Variants in CCNA1 observed in about 807,000 individuals in gnomAD.
CCNA1 encodes cyclin A1.
In CCNA1, 23 loss-of-function variants were observed where a neutral mutation model predicts 54.1. The observed-to-expected ratio is 0.42, with a 90% confidence interval of 0.31 to 0.60. The LOEUF is 0.60. Among genes scored for constraint, CCNA1 ranks in the 20% least tolerant of loss-of-function variants. The pLI, the probability that CCNA1 is intolerant of heterozygous loss-of-function variation, is 0.14. For missense variants in CCNA1, 450 were observed against 556.7 expected (o/e 0.81, Z 1.93); for synonymous variants, 208 against 213.9 (o/e 0.97, Z 0.24).
chr13:36,437,745 C>T lies in CCNA1; in HGVS notation c.414C>T (p.Tyr138=), dbSNP rs1445896571. 8 of 1,614,044 alleles carry T rather than the reference C, an allele frequency of 5.0e-6. No homozygotes were observed. The highest frequency in any genetic ancestry group is 1.3e-5 in the African/African-American group (1 of 74,926). ...CCCCCAAGCAAGGGTTTGACATCTA[C>T]ATGGATGAACTAGAGCAGGGGGACA... Residue 138 remains tyrosine, a synonymous_variant, in exon 3 of 9, where the codon TAC becomes TAT. Transcript: ENST00000255465.
rs751836659 is a variant in CCNA1 at position 36,438,719 on chromosome 13, G to A, written c.745G>A (p.Asp249Asn). 6.2e-7 allele frequency: 1 copy of A among 1,614,092 alleles called. No individual in the cohort carries two copies. Among genetic ancestry groups the A allele is most frequent in the South Asian group, 1.1e-5 (1 of 91,084 alleles). ...GGAAGGCATGCGCACGATTCTGGTG[G>A]ACTGGCTGGTGGAGGTTGGGGAAGA... Residue 249 changes from aspartate (D) to asparagine (N), a missense_variant, in exon 5 of 9, where the codon GAC (aspartate) becomes AAC (asparagine). Around this residue, in one of 6 missense-constraint regions of CCNA1, gnomAD observed 150 missense variants for 219.7 expected, o/e 0.68. Coordinates refer to ENST00000255465, the MANE Select transcript of CCNA1 (RefSeq NM_003914.4).
At chr13:36,433,503 T>C (rs2055760990) in intron 2 of CCNA1, among the ~76,000 whole-genome samples, 1 of 150,274 alleles carries the variant, frequency 6.7e-6, no homozygotes, top group Admixed American at 6.7e-5. Context: ...TTGTTTCTCT[T>C]CCTTCTTCCT....
At chr13:36,434,173 A>G (rs912741116) in intron 2 of CCNA1, among the ~76,000 whole-genome samples, 1 of 152,238 alleles carries the variant, frequency 6.6e-6, no homozygotes, top group African/African-American at 2.4e-5. Flanking sequence ...GGTGCTTTGA[A>G]GGCAGACATC....
At chr13:36,441,909 TA>T (rs2055879374) in intron 7 of CCNA1, among the ~76,000 whole-genome samples, 2 of 152,156 alleles carry the variant, frequency 1.3e-5, no homozygotes, top group Admixed American at 6.5e-5. Context: ...TAAGGACCAG[TA>T]AAAATTTCAC....
chr13:36,442,391 A>C, intron 8 of CCNA1, 87 bp downstream of exon 8: 1 of 1,428,326 alleles, frequency 7.0e-7, no homozygotes, highest in Non-Finnish European at 9.7e-7. Context: ...AATAGATTAA[A>C]TTGTGTATCT....
At chr13:36,442,004 G>A (rs891985323) in intron 7 of CCNA1, among the ~76,000 whole-genome samples, 167 bp from the exon 8 acceptor site, 4 of 152,104 alleles carry the variant, frequency 2.6e-5, no homozygotes, top group Non-Finnish European at 5.9e-5. Flanking sequence ...AGCCTTGGCT[G>A]TTCTTTCTGA....
In CCNA1 at chr13:36,432,652, C is replaced by G. The variant is rs917650994; in HGVS notation, c.31C>G (p.Pro11Ala). The G allele has an allele frequency of 1.2e-6, 2 of 1,608,670 alleles. No individual in the cohort carries two copies. Among genetic ancestry groups the G allele is most frequent in the Non-Finnish European group, 1.7e-6 (2 of 1,177,680 alleles). The change falls in exon 1 of 9, where the codon CCT becomes GCT. Residue 11 changes from proline to alanine, a missense_variant. Physicochemically the swap from Pro to Ala is conservative, Grantham distance 27. Coordinates refer to ENST00000255465, the MANE Select transcript of CCNA1 (RefSeq NM_003914.4). ...GACCGGCTTTCCCGCAATCATGTAC[C>G]CTGGATCTTTTATTGGGGGCTGGGG...
rs367588569 is a variant in CCNA1, at chr13:36,437,720, C to T, written c.389C>T (p.Pro130Leu). ...CTCCCTGACTGTGGGGTCCAAGAGC[C>T]CCCCAAGCAAGGGTTTGACATCTAC... is the stretch of plus-strand genomic sequence containing the variant. Residue 130 changes from proline (P) to leucine (L), a missense_variant, in exon 3 of 9, where the codon CCC (proline) becomes CTC (leucine). Around this residue, in one of 6 missense-constraint regions of CCNA1, gnomAD observed 103 missense variants for 92.9 expected, o/e 1.11. Coordinates refer to ENST00000255465, the MANE Select transcript of CCNA1 (RefSeq NM_003914.4). 7 of 1,613,890 alleles carry T rather than the reference C, an allele frequency of 4.3e-6. No individual in the cohort carries two copies. Among genetic ancestry groups the T allele is most frequent in the Admixed American group, 1.7e-5 (1 of 59,992 alleles).
At chr13:36,438,005 G>A in intron 3 of CCNA1, 62 bp from the exon 4 acceptor site, 1 of 1,591,096 alleles carries the variant, frequency 6.3e-7, no homozygotes, top group Non-Finnish European at 8.6e-7. Flanking sequence ...CCTGTAGAGG[G>A]TTAGTGGATT....
chr13:36,432,700 G>A lies in CCNA1; in HGVS notation c.79G>A (p.Gly27Arg), dbSNP rs113565588. 258 of 1,612,366 alleles carry A rather than the reference G, an allele frequency of 1.6e-4. 4 individuals carry two copies. In the African/African-American group the frequency reaches 2.6e-3, roughly 16 times the overall value. ...GGGAGAAGAGTATCTCAGCTGGGAAGGACCGGGGCTCCCAGATTTCGTCTT... is the reference window on the plus strand; with the variant it reads ...GGGAGAAGAGTATCTCAGCTGGGAAAGACCGGGGCTCCCAGATTTCGTCTT... The change falls in exon 1 of 9, where the codon GGA becomes AGA. Residue 27 changes from glycine to arginine, a missense_variant. Gly to Arg is a moderately radical substitution (Grantham distance 125). Around this residue, in one of 6 missense-constraint regions of CCNA1, gnomAD observed 103 missense variants for 100.9 expected, o/e 1.02. Coordinates refer to ENST00000255465, the MANE Select transcript of CCNA1 (RefSeq NM_003914.4).
intron 2 of CCNA1, among the ~76,000 whole-genome samples, 171 bp from the exon 3 acceptor site, chr13:36,437,458 G>GA (rs560515701): frequency 2.0e-5 from 3 of 152,082 alleles, no homozygotes; most frequent in East Asian, 1.9e-4. Flanking sequence ...GATAAGGGGG[G>GA]AAAAATTACA....
At position 36,441,168 on chromosome 13, in the gene CCNA1, T is replaced by C; in HGVS notation, c.1149T>C (p.Leu383=). 1.2e-6 allele frequency: 2 copies of C among 1,613,414 alleles called. No individual in the cohort carries two copies. The highest frequency in any genetic ancestry group is 1.7e-6 in the Non-Finnish European group (2 of 1,179,458). The change falls in exon 7 of 9, where the codon CTT becomes CTC. Residue 383 remains leucine, a synonymous_variant. Transcript: ENST00000255465. ...AAGCAGATCCATTCTTGAAATATCT[T>C]CCTTCACTGATAGCTGCAGCAGCTT... is the stretch of plus-strand genomic sequence containing the variant.
At chr13:36,438,445 C>G (rs768562687) in intron 4 of CCNA1, among the ~76,000 whole-genome samples, 199 bp from the exon 5 acceptor site, 1 of 152,146 alleles carries the variant, frequency 6.6e-6, no homozygotes, top group Non-Finnish European at 1.5e-5. Context: ...CCTGCCCCCC[C>G]AACCCCAGGT....
intron 5 of CCNA1, among the ~76,000 whole-genome samples, chr13:36,439,771 A>T (rs2055852478): frequency 6.6e-6 from 1 of 152,174 alleles, no homozygotes; most frequent in South Asian, 2.1e-4. Context: ...CTAGCAGTAA[A>T]TATAACCTAT....
intron 2 of CCNA1, 85 bp downstream of exon 2, chr13:36,433,306 A>G (rs999256582): frequency 4.2e-6 from 4 of 949,638 alleles, no homozygotes; most frequent in Admixed American, 5.3e-5. Flanking sequence ...TTGCCCTTGT[A>G]CCTACAACTC....
chr13:36,442,700 C>A lies in CCNA1; in HGVS notation c.*35C>A. 6.3e-7 allele frequency: 1 copy of A among 1,578,190 alleles called. No homozygotes were observed. Among genetic ancestry groups the A allele is most frequent in the Non-Finnish European group, 8.7e-7 (1 of 1,148,204 alleles). ...TGGAAGCACTTCCAGAACTTCACCT[C>A]CATATCAGAAGTGCCAATAATCGTC... On this transcript the variant is annotated 3_prime_UTR_variant, in exon 9 of 9. Transcript: ENST00000255465.
At chr13:36,432,285 G>A (rs958480098), upstream of CCNA1, 1 of 270,456 alleles carries the variant, frequency 3.7e-6, no homozygotes. Context: ...AGACGCGGGT[G>A]GGCAGCTCAG....
chr13:36,440,397 A>G (rs1221137614), intron 6 of CCNA1, among the ~76,000 whole-genome samples: 2 of 152,170 alleles, frequency 1.3e-5, no homozygotes, highest in Non-Finnish European at 2.9e-5. Flanking sequence ...CGGGTTGTCT[A>G]ATCACCCAAC....
chr13:36,435,261 A>G (rs1236382425), intron 2 of CCNA1, among the ~76,000 whole-genome samples: 2 of 152,210 alleles, frequency 1.3e-5, no homozygotes, highest in South Asian at 4.1e-4. Flanking sequence ...CTTGACATAT[A>G]TAATGTTGCC....
Sources: allele counts gnomAD v4.1 joint callset (sites outside exome capture counted in the v4.1 genomes callset), GRCh38; gene constraint gnomAD v4.1.1; regional missense constraint gnomAD v4.1.1; transcripts MANE v1.5; gene names NCBI Gene and HGNC (gene_info 2026-07-23, HGNC 2026-07-21).